ZMAT4: variants seen among roughly 807,000 people sequenced by gnomAD.
ZMAT4 encodes zinc finger matrin-type 4.
In ZMAT4, 17 loss-of-function variants were observed where a neutral mutation model predicts 28.7. The ratio of observed to expected loss-of-function variants is 0.59; its 90% CI spans 0.41 to 0.89. The LOEUF is 0.89. ZMAT4 is among the 40% of genes least tolerant of loss of function. The pLI is 0.00. For synonymous variants in ZMAT4, 117 were observed against 109.2 expected, an observed-to-expected ratio of 1.07 and a Z score of -0.44; for missense variants, 240 against 283.8, an observed-to-expected ratio of 0.85 and a Z score of 1.11.
intron 1 of ZMAT4, among the ~76,000 whole-genome samples, chr8:40,880,089 C>G (rs1270979431): frequency 6.6e-6 from 1 of 152,150 alleles, no homozygotes; most frequent in Non-Finnish European, 1.5e-5. Flanking sequence ...GAAATCCGGC[C>G]AGGCATGGTG....
At chr8:40,746,371 T>A (rs1812234012) in intron 3 of ZMAT4, among the ~76,000 whole-genome samples, 1 of 118,034 alleles carries the variant, frequency 8.5e-6, no homozygotes. Flanking sequence ...TTTCCTTTCT[T>A]TCTCTTTTTT....
chr8:40,737,408 CAAGCCA>C (rs1442771646), intron 3 of ZMAT4, among the ~76,000 whole-genome samples: 2 of 151,572 alleles, frequency 1.3e-5, no homozygotes, highest in Admixed American at 6.6e-5. Flanking sequence ...CAATGGAAGG[CAAGCCA>C]GCCACAGAGA....
chr8:40,739,348 T>C (rs1437937600), intron 3 of ZMAT4, among the ~76,000 whole-genome samples: 4 of 152,180 alleles, frequency 2.6e-5, no homozygotes, highest in African/African-American at 9.6e-5. Context: ...TGTGGGTGCC[T>C]TGGATGCCCT....
intron 5 of ZMAT4, among the ~76,000 whole-genome samples, chr8:40,592,108 G>A (rs961933635): frequency 5.3e-5 from 8 of 152,278 alleles, no homozygotes; most frequent in African/African-American, 1.9e-4. Flanking sequence ...ATGGGGGGTA[G>A]GGGTGTGGAA....
intron 3 of ZMAT4, among the ~76,000 whole-genome samples, chr8:40,762,153 C>CA (rs1179131093): frequency 6.6e-6 from 1 of 152,176 alleles, no homozygotes; most frequent in Non-Finnish European, 1.5e-5. Context: ...AATGTCCCAC[C>CA]ATCCCAACCT....
chr8:40,795,719 T>C (rs954015317), intron 2 of ZMAT4, among the ~76,000 whole-genome samples: 2 of 152,338 alleles, frequency 1.3e-5, no homozygotes, highest in Admixed American at 6.5e-5. Context: ...ATGTTGCATA[T>C]AAAAATTTCT....
At chr8:40,553,338 C>T (rs72636917) in intron 6 of ZMAT4, among the ~76,000 whole-genome samples, 5,910 of 152,218 alleles carry the variant, frequency 0.039, 145 homozygotes, top group South Asian at 0.091. Flanking sequence ...ACCGAGTTTT[C>T]GGGTAATTTC....
At chr8:40,694,976 A>G (rs1809818713) in intron 4 of ZMAT4, among the ~76,000 whole-genome samples, 1 of 152,160 alleles carries the variant, frequency 6.6e-6, no homozygotes, top group Non-Finnish European at 1.5e-5. Flanking sequence ...AGAAGGAAGG[A>G]GTGCTGCTCA....
intron 4 of ZMAT4, among the ~76,000 whole-genome samples, chr8:40,676,711 C>T (rs759269332): frequency 8.6e-5 from 13 of 151,972 alleles, no homozygotes; most frequent in East Asian, 1.9e-4. Context: ...TTCATTATAT[C>T]GAGAAGTTTT....
intron 5 of ZMAT4, among the ~76,000 whole-genome samples, chr8:40,667,316 C>A (rs372627000): frequency 1.5e-4 from 23 of 151,986 alleles, no homozygotes; most frequent in African/African-American, 5.5e-4. Context: ...CCACCACGCC[C>A]GGCTAATTTT....
chr8:40,571,532 GC>G, intron 6 of ZMAT4, among the ~76,000 whole-genome samples: 1 of 152,258 alleles, frequency 6.6e-6, no homozygotes, highest in Non-Finnish European at 1.5e-5. Context: ...GTAGAAAGCA[GC>G]CTTTGGCCCA....
At chr8:40,758,435 C>CA (rs1357659035) in intron 3 of ZMAT4, among the ~76,000 whole-genome samples, 2 of 152,090 alleles carry the variant, frequency 1.3e-5, no homozygotes, top group Non-Finnish European at 2.9e-5. Context: ...TTATCCCTTT[C>CA]AAAAAATAAA....
rs145231365 is a variant in ZMAT4 at position 40,687,298 on chromosome 8, C to T, written c.349+9947G>A. 2.1e-3 allele frequency among the ~76,000 whole-genome samples: 323 copies of T among 152,206 alleles called. 1 individual carries two copies. The highest frequency in any genetic ancestry group is 7.2e-3 in the African/African-American group (299 of 41,550). On this transcript the variant is annotated intron_variant, in intron 4 of 6. Coordinates refer to ENST00000297737, the MANE Select transcript of ZMAT4 (RefSeq NM_024645.3). ...GTTTCCCAAAGCTGCTGAAAAATAG[C>T]TTTGAAACACAGAAGAGAGGGAGCT...
chr8:40,671,066 C>CAAAAAAAA, intron 5 of ZMAT4, among the ~76,000 whole-genome samples: 1 of 123,596 alleles, frequency 8.1e-6, no homozygotes, highest in Non-Finnish European at 1.7e-5. Context: ...GACTCCATCT[C>CAAAAAAAA]AAAAAAAAAA....
intron 6 of ZMAT4, among the ~76,000 whole-genome samples, chr8:40,567,356 A>G (rs528021727): frequency 4.5e-4 from 69 of 152,274 alleles, no homozygotes; most frequent in Middle Eastern, 6.8e-3. Context: ...ATATAAGTTT[A>G]TATTCTGAAT....
At chr8:40,752,427 C>G (rs4736878) in intron 3 of ZMAT4, among the ~76,000 whole-genome samples, 111,403 of 152,036 alleles carry the variant, frequency 0.73, 41,531 homozygotes, top group Non-Finnish European at 0.82. Context: ...CCCACTACCC[C>G]CTTGGCTGGA....
chr8:40,692,640 A>G (rs1220170562), intron 4 of ZMAT4, among the ~76,000 whole-genome samples: 4 of 152,362 alleles, frequency 2.6e-5, no homozygotes, highest in East Asian at 1.9e-4. Flanking sequence ...AGTCTCTGCT[A>G]CAGACACAGA....
chr8:40,764,353 T>C (rs1040042730), intron 3 of ZMAT4, among the ~76,000 whole-genome samples: 7 of 152,182 alleles, frequency 4.6e-5, no homozygotes, highest in Non-Finnish European at 8.8e-5. Flanking sequence ...AAACAGAAGA[T>C]AGAAATGAAT....
intron 5 of ZMAT4, among the ~76,000 whole-genome samples, chr8:40,592,417 T>G (rs1804927262): frequency 6.6e-6 from 1 of 152,230 alleles, no homozygotes; most frequent in Non-Finnish European, 1.5e-5. Flanking sequence ...TTTAAATGTT[T>G]AGCCTTCTGA....
Sources: gnomAD v4.1 joint callset for allele counts (sites outside exome capture counted in the v4.1 genomes callset) on GRCh38, gnomAD v4.1.1 for gene constraint, MANE v1.5 for transcripts, NCBI Gene and HGNC (gene_info 2026-07-23, HGNC 2026-07-21) for gene names.